The following ROR1 variants were observed in gnomAD, a reference collection of about 807,000 sequenced individuals.
ROR1 encodes the protein inactive tyrosine-protein kinase transmembrane receptor ROR1.
Under a neutral mutation model 78.8 loss-of-function variants are expected in ROR1, and 19 were observed. The observed-to-expected ratio is 0.24, with a 90% CI of 0.17 to 0.35. ROR1 has a LOEUF of 0.35. Ranked by LOEUF, ROR1 falls within the 10% of genes least tolerant of loss-of-function variation. ROR1 has a pLI of 1.00. For synonymous variants in ROR1, 386 were observed against 433.6 expected, an observed-to-expected ratio of 0.89 and a Z score of 1.36; for missense variants, 917 against 1,177.8, an observed-to-expected ratio of 0.78 and a Z score of 3.24.
intron 1 of ROR1, among the ~76,000 whole-genome samples, chr1:63,827,685 T>C (rs1644963865): frequency 6.6e-6 from 1 of 152,224 alleles, no homozygotes. Flanking sequence ...AGACCGAGGC[T>C]GGATATTGCC....
intron 1 of ROR1, among the ~76,000 whole-genome samples, chr1:63,881,304 A>G (rs962835736): frequency 6.6e-6 from 1 of 152,200 alleles, no homozygotes; most frequent in African/African-American, 2.4e-5. Flanking sequence ...TTTTTTTAAT[A>G]GATAAAACTT....
chr1:64,132,920 T>C (rs1473049662), intron 4 of ROR1, among the ~76,000 whole-genome samples: 2 of 152,106 alleles, frequency 1.3e-5, no homozygotes, highest in Non-Finnish European at 2.9e-5. Flanking sequence ...CGCTTCCAAT[T>C]AGAGGATACT....
intron 1 of ROR1, among the ~76,000 whole-genome samples, chr1:63,929,935 A>T (rs1011455910): frequency 2.6e-5 from 4 of 152,134 alleles, no homozygotes; most frequent in Non-Finnish European, 4.4e-5. Flanking sequence ...TCTGCCTCTC[A>T]CTGTGAGTCT....
intron 7 of ROR1, among the ~76,000 whole-genome samples, chr1:64,157,985 CTTCGTT>C (rs1649821833): frequency 6.6e-6 from 1 of 152,174 alleles, no homozygotes; most frequent in Admixed American, 6.5e-5. Flanking sequence ...GATAGCTGAT[CTTCGTT>C]ATCAGGGCAT....
Position 64,178,200 on chromosome 1 carries a change from G to A in ROR1, c.2159G>A (p.Arg720Lys), listed in dbSNP as rs1241838841. ...CCATGCTCTGAAGACTGCCCACCCA[G>A]AATGTACAGCCTCATGACAGAGTGC... Reference protein sequence around the residue: ...LLPCSEDCPPRMYSLMTECWN... With the variant: ...LLPCSEDCPPKMYSLMTECWN... Residue 720 changes from arginine to lysine, a missense_variant, in exon 9 of 9, where the codon AGA becomes AAA. Coordinates refer to ENST00000371079, the MANE Select transcript of ROR1 (RefSeq NM_005012.4). The surrounding 1 kb of genome is among the most constrained non-coding windows in gnomAD (Gnocchi z 4.3). The A allele has an allele frequency of 1.2e-6, 2 of 1,614,014 alleles. No homozygotes were observed. The highest frequency in any genetic ancestry group is 1.7e-6 in the Non-Finnish European group (2 of 1,180,042).
intron 1 of ROR1, among the ~76,000 whole-genome samples, chr1:63,921,795 C>T (rs182199459): frequency 6.6e-6 from 1 of 152,286 alleles, no homozygotes; most frequent in African/African-American, 2.4e-5. Flanking sequence ...CCGATATCCT[C>T]ATCTACAAAG....
chr1:63,994,309 T>C (rs1423429232), intron 1 of ROR1, among the ~76,000 whole-genome samples: 1 of 152,138 alleles, frequency 6.6e-6, no homozygotes, highest in Non-Finnish European at 1.5e-5. Context: ...TCTTTTGATA[T>C]TAATAACCCA....
Position 63,958,374 on chromosome 1 carries a change from AGAAC to A in ROR1, c.92-50930_92-50927del, listed in dbSNP as rs1384487007. Among the ~76,000 whole-genome samples the A allele has an allele frequency of 3.1e-4, 47 of 152,184 alleles. 1 individual carries two copies. The highest frequency in any genetic ancestry group is 1.1e-3 in the African/African-American group (46 of 41,448). On this transcript the variant is annotated intron_variant, in intron 1 of 8. Coordinates refer to ENST00000371079, the MANE Select transcript of ROR1 (RefSeq NM_005012.4). ...TCCTTTGCTTAACAATTTGACAACGAGAACATAGGATTATGGTTTCGGGGGAAGA... is the reference window on the plus strand; with the variant it reads ...TCCTTTGCTTAACAATTTGACAACGAATAGGATTATGGTTTCGGGGGAAGA...
At chr1:64,013,933 A>G (rs187869536) in intron 2 of ROR1, among the ~76,000 whole-genome samples, 162 of 152,382 alleles carry the variant, frequency 1.1e-3, no homozygotes, top group Admixed American at 3.6e-3. Flanking sequence ...GTAAATGCCT[A>G]CCAGGCGTGA....
chr1:64,123,272 A>G (rs1242836409), intron 4 of ROR1, among the ~76,000 whole-genome samples: 1 of 152,182 alleles, frequency 6.6e-6, no homozygotes, highest in Non-Finnish European at 1.5e-5. Flanking sequence ...GACCAAAACA[A>G]TGTTTGATCC....
chr1:64,137,290 G>C, intron 4 of ROR1, 79 bp from the exon 5 acceptor site: 2 of 1,511,474 alleles, frequency 1.3e-6, no homozygotes, highest in Non-Finnish European at 1.8e-6. Context: ...TGACTATTTA[G>C]GGTATCGCGC....
At position 63,920,098 on chromosome 1, in the gene ROR1, A is replaced by G. The variant is rs571338980; in HGVS notation, c.92-89207A>G. Among the ~76,000 whole-genome samples the G allele has an allele frequency of 4.6e-5, 7 of 152,366 alleles. No homozygotes were observed. In the South Asian group the frequency reaches 1.5e-3, roughly 32 times the overall value. On this transcript the variant is annotated intron_variant, in intron 1 of 8. Coordinates refer to ENST00000371079, the MANE Select transcript of ROR1 (RefSeq NM_005012.4). ...TATCTGTTTGTAAAAATAGCTCAGT[A>G]AACCCATAAATGCCAAGACCCTGTT...
chr1:64,143,654 C>T (rs879184823), intron 7 of ROR1, among the ~76,000 whole-genome samples: 2 of 152,144 alleles, frequency 1.3e-5, no homozygotes, highest in Admixed American at 1.3e-4. Flanking sequence ...CTACTAAGTG[C>T]CAAGTACTTA....
chr1:64,123,002 G>A (rs1042727358), intron 4 of ROR1, among the ~76,000 whole-genome samples: 1 of 152,124 alleles, frequency 6.6e-6, no homozygotes, highest in Non-Finnish European at 1.5e-5. Flanking sequence ...TGTCACTCAG[G>A]TTTTTGATAG....
rs147122412 is a variant in ROR1, at chr1:64,094,569, TTTTTG to T, written c.483-42766_483-42762del. On this transcript the variant is annotated intron_variant, in intron 4 of 8. Coordinates refer to ENST00000371079, the MANE Select transcript of ROR1 (RefSeq NM_005012.4). ...GTGTTTGTGTGTGTGTGTTTTGTTG[TTTTTG>T]TTTTGTTTTGTTTTGTTTTGTTTTG... The T allele has an allele frequency of 8.7e-3, 1,310 of 151,092 alleles. 7 individuals carry two copies. Among genetic ancestry groups the T allele is most frequent in the African/African-American group, 0.026 (1,040 of 40,634 alleles). The allele number at this position is 151,092 out of a possible 1,614,324, so 9.4% of individuals were successfully genotyped here.
At chr1:63,849,766 AG>A (rs1257240985) in intron 1 of ROR1, among the ~76,000 whole-genome samples, 14 of 152,194 alleles carry the variant, frequency 9.2e-5, no homozygotes, top group African/African-American at 3.4e-4. Flanking sequence ...CTACCATCTC[AG>A]ATTCCTGGAT....
chr1:63,911,491 G>A (rs1645569616), intron 1 of ROR1, among the ~76,000 whole-genome samples: 1 of 152,078 alleles, frequency 6.6e-6, no homozygotes, highest in South Asian at 2.1e-4. Context: ...ATTGTGAACT[G>A]TGCATGCCAG....
At chr1:64,169,628 TC>T (rs1650183549) in intron 8 of ROR1, among the ~76,000 whole-genome samples, 1 of 152,004 alleles carries the variant, frequency 6.6e-6, no homozygotes, top group African/African-American at 2.4e-5. Flanking sequence ...AAACCAATCA[TC>T]CCCTCCCAAA....
chr1:63,892,293 A>G (rs754113162), intron 1 of ROR1, among the ~76,000 whole-genome samples: 3 of 152,128 alleles, frequency 2.0e-5, no homozygotes, highest in Non-Finnish European at 2.9e-5. Context: ...TGCATCTGGG[A>G]GGGCAGAGGA....
Sources: allele counts gnomAD v4.1 joint callset (sites outside exome capture counted in the v4.1 genomes callset), GRCh38; gene constraint gnomAD v4.1.1; non-coding constraint Gnocchi (gnomAD v3.1); transcripts MANE v1.5; gene names NCBI Gene and HGNC (gene_info 2026-07-23, HGNC 2026-07-21).